Variants in NBAS observed in about 807,000 individuals in gnomAD.
The protein encoded by NBAS is NAG/BC035112 fusion.
A neutral mutation model predicts 302.5 loss-of-function variants in NBAS; 219 were observed. The observed-to-expected ratio is 0.72, with a 90% CI of 0.65 to 0.81. The LOEUF (loss-of-function observed/expected upper bound fraction) is 0.81, where lower values mean the gene tolerates loss of function less well. Among genes scored for constraint, NBAS ranks in the 30% least tolerant of loss-of-function variants. The probability of loss-of-function intolerance (pLI) is 0.00; values close to 1 mark genes in which losing one functional copy is unlikely to be tolerated. For synonymous variants in NBAS, 1,118 were observed against 1,021.6 expected (o/e 1.09, Z -1.80); for missense variants, 2,932 against 2,841.6 (o/e 1.03, Z -0.72).
At chr2:15,138,988 C>G in the NBAS span, among the ~76,000 whole-genome samples, 505 of 152,184 alleles carry the variant, frequency 3.3e-3, 1 homozygote, top group African/African-American at 0.012. Flanking sequence ...ATTTTTTTTA[C>G]ATCTTAAGTT....
At chr2:15,299,012 A>G (rs540595325) in intron 40 of NBAS, among the ~76,000 whole-genome samples, 1 of 152,208 alleles carries the variant, frequency 6.6e-6, no homozygotes, top group South Asian at 2.1e-4. Context: ...AATCACTCGG[A>G]AGTCTTGGTG....
chr2:14,808,987 T>C, the NBAS span, among the ~76,000 whole-genome samples: 1 of 152,162 alleles, frequency 6.6e-6, no homozygotes, highest in South Asian at 2.1e-4. Context: ...GCCCTAGAGA[T>C]TTGTGGAACT....
chr2:15,142,205 G>A, the NBAS span, among the ~76,000 whole-genome samples: 7 of 152,158 alleles, frequency 4.6e-5, no homozygotes, highest in Non-Finnish European at 2.9e-5. Context: ...GCAAATGCAC[G>A]AAAAATGAGG....
At chr2:15,441,974 G>A (rs1678440214) in intron 21 of NBAS, among the ~76,000 whole-genome samples, 2 of 145,760 alleles carry the variant, frequency 1.4e-5, no homozygotes, top group Admixed American at 6.9e-5. Context: ...AAATATATAT[G>A]CACCCAATAC....
intron 21 of NBAS, among the ~76,000 whole-genome samples, chr2:15,430,620 T>A (rs1182561295): frequency 6.6e-6 from 1 of 152,178 alleles, no homozygotes; most frequent in Non-Finnish European, 1.5e-5. Context: ...ACAAAGCTAA[T>A]AAATTGACAA....
chr2:15,522,462 T>G lies in NBAS; in HGVS notation c.747-11112A>C, dbSNP rs561584580. On this transcript the variant is annotated intron_variant, in intron 9 of 51. Coordinates refer to ENST00000281513, the MANE Select transcript of NBAS (RefSeq NM_015909.4). ...AACACAGAATATAATAAGTAGGAGG[T>G]ACTTGTGAGCTATCCAGGAAAAGAT... is the stretch of plus-strand genomic sequence containing the variant. Among the ~76,000 whole-genome samples, 63 of 152,160 alleles carry G rather than the reference T, an allele frequency of 4.1e-4. No homozygotes were observed. The South Asian group carries it at 0.013, about 31-fold the overall frequency.
At chr2:15,215,098 A>G (rs1440244493) in intron 48 of NBAS, among the ~76,000 whole-genome samples, 1 of 152,182 alleles carries the variant, frequency 6.6e-6, no homozygotes, top group Non-Finnish European at 1.5e-5. Flanking sequence ...AAACTCAGAT[A>G]AACCGTACTA....
At chr2:14,939,736 T>C in the NBAS span, among the ~76,000 whole-genome samples, 2 of 152,258 alleles carry the variant, frequency 1.3e-5, no homozygotes, top group East Asian at 3.8e-4. Flanking sequence ...GAAAATGCAC[T>C]CTGTGAACTT....
the NBAS span, among the ~76,000 whole-genome samples, chr2:14,872,860 G>A: frequency 2.6e-5 from 4 of 152,070 alleles, no homozygotes; most frequent in Non-Finnish European, 4.4e-5. Flanking sequence ...GCTCTTAAAG[G>A]CGGCGCCTCC....
chr2:15,493,676 A>AG (rs974961720), intron 11 of NBAS, among the ~76,000 whole-genome samples: 17 of 152,134 alleles, frequency 1.1e-4, no homozygotes, highest in African/African-American at 3.9e-4. Flanking sequence ...CAAAAAGAAA[A>AG]AAAAAAAAAA....
At chr2:15,475,560 T>C (rs539782356) in intron 14 of NBAS, 127 bp downstream of exon 14, 50 of 979,958 alleles carry the variant, frequency 5.1e-5, no homozygotes, top group Non-Finnish European at 7.2e-5. Context: ...CTACAACCAT[T>C]ACCTGATTCC....
chr2:14,783,850 T>C, the NBAS span, among the ~76,000 whole-genome samples: 1 of 151,536 alleles, frequency 6.6e-6, no homozygotes, highest in Non-Finnish European at 1.5e-5. Flanking sequence ...ATGGGATGGC[T>C]GGGTCAAATG....
the NBAS span, among the ~76,000 whole-genome samples, chr2:15,113,387 G>A: frequency 7.0e-6 from 1 of 143,116 alleles, no homozygotes; most frequent in East Asian, 2.2e-4. Flanking sequence ...CAGTGAAAAG[G>A]CCTAGAAACA....
chr2:15,008,706 G>A, the NBAS span, among the ~76,000 whole-genome samples: 1 of 152,136 alleles, frequency 6.6e-6, no homozygotes, highest in African/African-American at 2.4e-5. Context: ...TAAAAAATAG[G>A]TGAAATCAGG....
chr2:15,035,299 A>G, the NBAS span, among the ~76,000 whole-genome samples: 1 of 152,188 alleles, frequency 6.6e-6, no homozygotes, highest in South Asian at 2.1e-4. Context: ...AGCCAGTCAG[A>G]ATGGCGATTG....
intron 10 of NBAS, among the ~76,000 whole-genome samples, chr2:15,504,486 C>T (rs899698443): frequency 1.3e-5 from 2 of 151,976 alleles, no homozygotes; most frequent in African/African-American, 2.4e-5. Flanking sequence ...CAAAATCCAC[C>T]GCAAGCTCTT....
the NBAS span, among the ~76,000 whole-genome samples, chr2:14,792,765 A>G: frequency 6.6e-6 from 1 of 152,154 alleles, no homozygotes; most frequent in South Asian, 2.1e-4. Context: ...CATTATACTA[A>G]AAACCAAGAA....
chr2:15,458,558 C>T (rs1294427329), intron 21 of NBAS, among the ~76,000 whole-genome samples: 1 of 152,138 alleles, frequency 6.6e-6, no homozygotes, highest in Non-Finnish European at 1.5e-5. Context: ...CTTGCTCCCC[C>T]TTCACCTTCC....
At chr2:14,927,955 T>C in the NBAS span, among the ~76,000 whole-genome samples, 1 of 152,240 alleles carries the variant, frequency 6.6e-6, no homozygotes, top group Non-Finnish European at 1.5e-5. Flanking sequence ...ATTTACAAGA[T>C]TATGAGTTTA....
Sources: gnomAD v4.1 joint callset for allele counts (sites outside exome capture counted in the v4.1 genomes callset) on GRCh38, gnomAD v4.1.1 for gene constraint, MANE v1.5 for transcripts, NCBI Gene and HGNC (gene_info 2026-07-23, HGNC 2026-07-21) for gene names.